Variants in PCNX1 observed in about 807,000 individuals in gnomAD.
PCNX1 encodes the protein pecanex 1.
In PCNX1, 78 loss-of-function variants were observed where a neutral mutation model predicts 242.2. That is an observed-to-expected ratio of 0.32 (90% CI 0.27 to 0.39). The LOEUF (loss-of-function observed/expected upper bound fraction) is 0.39, where lower values mean the gene tolerates loss of function less well. Ranked by LOEUF, PCNX1 falls within the 10% of genes least tolerant of loss-of-function variation. The pLI, the probability that PCNX1 is intolerant of heterozygous loss-of-function variation, is 1.00. For missense variants in PCNX1, 2,581 were observed against 2,856.5 expected (o/e 0.90, Z 2.20); for synonymous variants, 1,024 against 1,032.9 (o/e 0.99, Z 0.17).
Position 71,111,425 on chromosome 14 carries a change from G to T in PCNX1, c.*1490G>T, listed in dbSNP as rs1475280350. 2 of 152,508 alleles carry T rather than the reference G, an allele frequency of 1.3e-5. No homozygotes were observed. The highest frequency in any genetic ancestry group is 4.8e-5 in the African/African-American group (2 of 41,418). 9.4% of individuals were successfully genotyped at this position (152,508 alleles called of 1,614,324 possible). A position where few individuals can be genotyped will look rare whatever the true frequency, so the allele number is the denominator to read the frequency against. On this transcript the variant is annotated 3_prime_UTR_variant, in exon 36 of 36. Transcript: ENST00000304743. Reference sequence around the variant, plus strand: ...AGAAACAGGTAAAATTAATTTTAATGATACATTTTGTTTCACCCAGTATAG... The same window carrying T: ...AGAAACAGGTAAAATTAATTTTAATTATACATTTTGTTTCACCCAGTATAG...
At chr14:70,934,749 A>G (rs2056934377) in intron 1 of PCNX1, among the ~76,000 whole-genome samples, 1 of 152,236 alleles carries the variant, frequency 6.6e-6, no homozygotes, top group Non-Finnish European at 1.5e-5. Flanking sequence ...AACACAAAGT[A>G]GGTGGTGGTT....
chr14:71,023,287 ATTTGTGG>A (rs2060154005), intron 13 of PCNX1, 55 bp downstream of exon 13: 3 of 1,339,442 alleles, frequency 2.2e-6, no homozygotes, highest in African/African-American at 1.5e-5. Flanking sequence ...TTATCATAAT[ATTTGTGG>A]TTTGTTTTTT....
chr14:70,933,957 C>G (rs1261357491), intron 1 of PCNX1, among the ~76,000 whole-genome samples: 2 of 152,142 alleles, frequency 1.3e-5, no homozygotes, highest in Non-Finnish European at 2.9e-5. Context: ...AATGTACTTC[C>G]AGATCTTGAG....
chr14:70,920,357 T>C (rs1291506901), intron 1 of PCNX1, among the ~76,000 whole-genome samples: 2 of 152,216 alleles, frequency 1.3e-5, no homozygotes, highest in Non-Finnish European at 2.9e-5. Flanking sequence ...TGTGTTGCAT[T>C]TAGTATCATC....
rs58710947 is a variant in PCNX1 at position 70,984,677 on chromosome 14, C to T, written c.2312-3890C>T. ...CTGGGATTACAGGCGTGAGCCACCG[C>T]GACCTGCCGACATCATTTTTAAATA... On this transcript the variant is annotated intron_variant, in intron 6 of 35. Transcript: ENST00000304743. 8.7e-3 allele frequency among the ~76,000 whole-genome samples: 1,325 copies of T among 152,194 alleles called. 25 individuals are homozygous for T. Among genetic ancestry groups the T allele is most frequent in the African/African-American group, 0.03 (1,243 of 41,538 alleles).
chr14:71,080,877 T>A (rs1309866775), intron 28 of PCNX1, among the ~76,000 whole-genome samples: 1 of 152,236 alleles, frequency 6.6e-6, no homozygotes, highest in African/African-American at 2.4e-5. Flanking sequence ...TCTTGGCTGA[T>A]TGCCCTGTCT....
At position 71,107,404 on chromosome 14, in the gene PCNX1, A is replaced by G. The variant is rs540644653; in HGVS notation, c.6302-1200A>G. Among the ~76,000 whole-genome samples, 47 of 152,208 alleles carry G rather than the reference A, an allele frequency of 3.1e-4. 1 individual carries two copies. Among genetic ancestry groups the G allele is most frequent in the South Asian group, 2.1e-3 (10 of 4,830 alleles). On this transcript the variant is annotated intron_variant, in intron 33 of 35. Coordinates refer to ENST00000304743, the MANE Select transcript of PCNX1 (RefSeq NM_014982.3). ...TTTTTTAAAGTTCAAATTCTGTGGC[A>G]TATGAAAGACATAATGAATAATTAA...
At chr14:70,946,336 TC>T (rs2057455801) in intron 1 of PCNX1, among the ~76,000 whole-genome samples, 1 of 152,212 alleles carries the variant, frequency 6.6e-6, no homozygotes, top group African/African-American at 2.4e-5. Flanking sequence ...GAAGAATGTA[TC>T]CTAAAAAACG....
intron 2 of PCNX1, among the ~76,000 whole-genome samples, chr14:70,952,997 G>A (rs1208604826): frequency 6.6e-6 from 1 of 152,204 alleles, no homozygotes; most frequent in East Asian, 1.9e-4. Flanking sequence ...GCTGGGCAAG[G>A]TGGCTCCTGC....
At chr14:71,075,132 C>T (rs1364598019) in intron 27 of PCNX1, among the ~76,000 whole-genome samples, 1 of 151,550 alleles carries the variant, frequency 6.6e-6, no homozygotes, top group Non-Finnish European at 1.5e-5. Flanking sequence ...GTAACTGGGA[C>T]TACAGGTGCA....
chr14:71,068,004 A>G (rs1323906692), intron 26 of PCNX1, among the ~76,000 whole-genome samples: 2 of 152,092 alleles, frequency 1.3e-5, no homozygotes, highest in Non-Finnish European at 2.9e-5. Flanking sequence ...CCAAGCTTTT[A>G]AAAAACTAAT....
intron 1 of PCNX1, among the ~76,000 whole-genome samples, chr14:70,920,919 A>T (rs1339158451): frequency 6.6e-6 from 1 of 152,116 alleles, no homozygotes; most frequent in African/African-American, 2.4e-5. Flanking sequence ...TTATGAGGTT[A>T]TTTGTGCTGG....
chr14:71,083,906 T>G (rs2061918801), intron 28 of PCNX1, among the ~76,000 whole-genome samples: 1 of 152,182 alleles, frequency 6.6e-6, no homozygotes. Context: ...CGAGGAGTTG[T>G]GATCCTTTGG....
intron 3 of PCNX1, among the ~76,000 whole-genome samples, chr14:70,964,876 G>T (rs2058330706): frequency 6.6e-6 from 1 of 152,140 alleles, no homozygotes; most frequent in Non-Finnish European, 1.5e-5. Context: ...GTTTTATACT[G>T]TTTATGACAA....
chr14:71,039,958 T>C (rs2060657978), intron 19 of PCNX1, among the ~76,000 whole-genome samples: 1 of 152,150 alleles, frequency 6.6e-6, no homozygotes, highest in Non-Finnish European at 1.5e-5. Flanking sequence ...TTTTTCCTCC[T>C]GCTTGAAAGA....
chr14:71,000,052 T>C (rs2059457622), intron 8 of PCNX1, among the ~76,000 whole-genome samples: 1 of 152,196 alleles, frequency 6.6e-6, no homozygotes, highest in Non-Finnish European at 1.5e-5. Context: ...TGTCCTTTAT[T>C]ATTGTTTTGA....
At chr14:71,005,419 G>C (rs142753414) in intron 8 of PCNX1, among the ~76,000 whole-genome samples, 45 of 151,804 alleles carry the variant, frequency 3.0e-4, no homozygotes, top group Admixed American at 9.8e-4. Flanking sequence ...GAGGTGGGAG[G>C]ATCACTGGAA....
At chr14:71,084,128 T>C (rs1245013759) in intron 28 of PCNX1, among the ~76,000 whole-genome samples, 2 of 152,160 alleles carry the variant, frequency 1.3e-5, no homozygotes, top group Non-Finnish European at 2.9e-5. Flanking sequence ...CTGCTGGAAT[T>C]TGCTGGAGGT....
intron 1 of PCNX1, among the ~76,000 whole-genome samples, chr14:70,942,501 C>G (rs1338087352): frequency 1.3e-5 from 2 of 152,172 alleles, no homozygotes; most frequent in African/African-American, 4.8e-5. Flanking sequence ...TCCCCACACA[C>G]CAAGCAGTCA....
Sources: gnomAD v4.1 joint callset for allele counts (sites outside exome capture counted in the v4.1 genomes callset) on GRCh38, gnomAD v4.1.1 for gene constraint, MANE v1.5 for transcripts, NCBI Gene and HGNC (gene_info 2026-07-23, HGNC 2026-07-21) for gene names.